The following AMPH variants were observed in gnomAD, a reference collection of about 807,000 sequenced individuals.
The protein encoded by AMPH is amphiphysin (Stiff-Mann syndrome with breast cancer 128kD autoantigen).
A neutral mutation model predicts 99.1 loss-of-function variants in AMPH; 49 were observed. The ratio of observed to expected loss-of-function variants is 0.49; its 90% CI spans 0.39 to 0.63. The LOEUF is 0.63. Ranked by LOEUF, AMPH falls within the 20% of genes least tolerant of loss-of-function variation. AMPH has a pLI of 0.00. For missense variants in AMPH, 759 were observed against 863.4 expected (o/e 0.88, Z 1.52); for synonymous variants, 314 against 317.3 (o/e 0.99, Z 0.11).
chr7:38,628,707 T>C (rs1357908107), intron 1 of AMPH, among the ~76,000 whole-genome samples: 1 of 152,182 alleles, frequency 6.6e-6, no homozygotes, highest in Non-Finnish European at 1.5e-5. Context: ...ACATATCAAA[T>C]GGTAGTAAAA....
chr7:38,422,651 T>A (rs1027163340), intron 15 of AMPH, among the ~76,000 whole-genome samples, 174 bp from the exon 16 acceptor site: 2 of 151,810 alleles, frequency 1.3e-5, no homozygotes, highest in Non-Finnish European at 2.9e-5. Flanking sequence ...TGAGAAAGGG[T>A]CTCCTCTGTT....
chr7:38,512,357 C>A (rs1368300664), intron 2 of AMPH, among the ~76,000 whole-genome samples: 2 of 152,188 alleles, frequency 1.3e-5, no homozygotes. Context: ...TTCCGATAGT[C>A]TCCCTGGGCT....
chr7:38,391,947 G>T lies in AMPH; in HGVS notation c.1679C>A (p.Thr560Asn), dbSNP rs777086329. ...NHEEEGENEI[T>N]IGAEPKETTE... Reference sequence around the variant, plus strand: ...GGTCTCCTTGGGCTCTGCACCTATAGTTATTTCGTTTTCTCCTTCCTCTTC... The same window carrying T: ...GGTCTCCTTGGGCTCTGCACCTATATTTATTTCGTTTTCTCCTTCCTCTTC... Residue 560 changes from threonine to asparagine, a missense_variant, in exon 19 of 21, where the codon ACT (threonine) becomes AAT (asparagine). Physicochemically the swap from Thr to Asn is moderately conservative, Grantham distance 65. Coordinates refer to ENST00000356264, the MANE Select transcript of AMPH (RefSeq NM_001635.4). 1 of 1,612,218 alleles carries T rather than the reference G, an allele frequency of 6.2e-7. No homozygotes were observed. The highest frequency in any genetic ancestry group is 8.5e-7 in the Non-Finnish European group (1 of 1,180,022).
chr7:38,569,171 T>C (rs987706075), intron 1 of AMPH, among the ~76,000 whole-genome samples: 3 of 152,064 alleles, frequency 2.0e-5, no homozygotes, highest in Non-Finnish European at 2.9e-5. Context: ...CATATGAAAG[T>C]TGAGAAATAA....
At chr7:38,426,733 G>A (rs527264281) in intron 15 of AMPH, among the ~76,000 whole-genome samples, 44 of 152,276 alleles carry the variant, frequency 2.9e-4, no homozygotes, top group African/African-American at 1.1e-3. Context: ...CTAGCCTGCT[G>A]GGCTAAACAC....
intron 1 of AMPH, among the ~76,000 whole-genome samples, chr7:38,610,267 AGAAAGAAAGAAAGAAAGAAAGAAAGAAAG>A (rs1793593910): frequency 1.0e-4 from 3 of 28,856 alleles, no homozygotes; most frequent in Non-Finnish European, 2.0e-4. Flanking sequence ...AAAAAAAGAA[AGAAAGAAAGAAAGAAAGAAAGAAAGAAAG>A]AAAAGAAAAG....
intron 1 of AMPH, among the ~76,000 whole-genome samples, chr7:38,541,930 T>A (rs2118458): frequency 1.3e-5 from 2 of 152,168 alleles, no homozygotes; most frequent in African/African-American, 4.8e-5. Flanking sequence ...AGTAAGCACC[T>A]GCCAAGGCTG....
intron 1 of AMPH, among the ~76,000 whole-genome samples, chr7:38,549,196 G>A (rs905567102): frequency 1.3e-5 from 2 of 152,220 alleles, no homozygotes; most frequent in Non-Finnish European, 2.9e-5. Flanking sequence ...AAGGGCAGAA[G>A]TTGTTTTCCC....
intron 1 of AMPH, among the ~76,000 whole-genome samples, chr7:38,607,621 C>G (rs1472201610): frequency 3.9e-5 from 6 of 152,144 alleles, no homozygotes; most frequent in Non-Finnish European, 8.8e-5. Context: ...CCAAGAGGCT[C>G]TGTTTCTACT....
At chr7:38,607,954 T>G (rs1793492205) in intron 1 of AMPH, among the ~76,000 whole-genome samples, 1 of 152,224 alleles carries the variant, frequency 6.6e-6, no homozygotes, top group Non-Finnish European at 1.5e-5. Context: ...TCTTTTTCTT[T>G]TCTTAATTTG....
intron 11 of AMPH, among the ~76,000 whole-genome samples, chr7:38,440,090 C>T (rs1457506843): frequency 2.6e-5 from 4 of 152,004 alleles, no homozygotes; most frequent in Non-Finnish European, 5.9e-5. Context: ...AGCTGCTAGT[C>T]CAAAAAGAAT....
At chr7:38,424,555 A>C (rs1468768489) in intron 15 of AMPH, among the ~76,000 whole-genome samples, 1 of 152,118 alleles carries the variant, frequency 6.6e-6, no homozygotes, top group African/African-American at 2.4e-5. Flanking sequence ...GACAACAGAG[A>C]AAAGGAAACA....
At position 38,495,131 on chromosome 7, in the gene AMPH, T is replaced by C. The variant is rs113710705; in HGVS notation, c.206-604A>G. 8.5e-3 allele frequency among the ~76,000 whole-genome samples: 1,297 copies of C among 152,284 alleles called. 18 individuals carry two copies. Among genetic ancestry groups the C allele is most frequent in the African/African-American group, 0.027 (1,128 of 41,556 alleles). On this transcript the variant is annotated intron_variant, in intron 3 of 20. Coordinates refer to ENST00000356264, the MANE Select transcript of AMPH (RefSeq NM_001635.4). ...TAGTAAGTCCTTACTTAATGTCATC[T>C]ATAGGTTCTTGCAAAGTGTGACTTT...
chr7:38,437,282 G>A (rs1463650328), intron 11 of AMPH, among the ~76,000 whole-genome samples: 2 of 152,104 alleles, frequency 1.3e-5, no homozygotes, highest in African/African-American at 2.4e-5. Flanking sequence ...AGAAAAGGGA[G>A]TTGGGGTCAG....
chr7:38,610,336 AAG>A (rs1412466556), intron 1 of AMPH, among the ~76,000 whole-genome samples: 1 of 27,586 alleles, frequency 3.6e-5, no homozygotes, highest in Non-Finnish European at 7.1e-5. Flanking sequence ...GAAAAGAAAA[AAG>A]AAAAGAAAAG....
At chr7:38,447,778 A>ACCCC (rs1491464095) in intron 11 of AMPH, among the ~76,000 whole-genome samples, 1 of 148,292 alleles carries the variant, frequency 6.7e-6, no homozygotes, top group East Asian at 2.0e-4. Context: ...ACACACACAC[A>ACCCC]CCCATACACA....
intron 7 of AMPH, among the ~76,000 whole-genome samples, chr7:38,471,804 A>T (rs1043847801): frequency 6.6e-6 from 1 of 152,210 alleles, no homozygotes; most frequent in Admixed American, 6.5e-5. Context: ...ATAATATTCC[A>T]TGCAAAGAGT....
chr7:38,477,484 A>G (rs906555379), intron 5 of AMPH, among the ~76,000 whole-genome samples: 8 of 152,180 alleles, frequency 5.3e-5, no homozygotes, highest in African/African-American at 1.7e-4. Context: ...CTAATGTGTC[A>G]TTTGGAATAG....
At chr7:38,630,744 G>C (rs1325721949) in intron 1 of AMPH, among the ~76,000 whole-genome samples, 1 of 152,150 alleles carries the variant, frequency 6.6e-6, no homozygotes, top group African/African-American at 2.4e-5. Context: ...ATTGGTCCTG[G>C]GAGATTTTTG....
Sources: gnomAD v4.1 joint callset for allele counts (sites outside exome capture counted in the v4.1 genomes callset) on GRCh38, gnomAD v4.1.1 for gene constraint, MANE v1.5 for transcripts, NCBI Gene and HGNC (gene_info 2026-07-23, HGNC 2026-07-21) for gene names.